The following TEX48 variants were observed in gnomAD, a reference collection of about 807,000 sequenced individuals.
The protein encoded by TEX48 is testis-expressed protein 48.
A neutral mutation model predicts 13.2 loss-of-function variants in TEX48; 10 were observed. The observed-to-expected ratio is 0.75, with a 90% CI of 0.47 to 1.28. The LOEUF is 1.28. TEX48 is among the 50% of genes most tolerant of loss of function. The pLI is 0.00. For missense variants in TEX48, 116 were observed against 139.4 expected (o/e 0.83, Z 0.84); for synonymous variants, 45 against 52.3 (o/e 0.86, Z 0.60).
chr9:114,678,876 A>G (rs1235938931), intron 1 of TEX48, among the ~76,000 whole-genome samples: 3 of 151,970 alleles, frequency 2.0e-5, no homozygotes, highest in African/African-American at 7.3e-5. Context: ...ACCTTCAACA[A>G]TGGGGAAAAT....
intron 3 of TEX48, 30 bp from the exon 4 acceptor site, chr9:114,668,367 G>T (rs1013094367): frequency 1.2e-5 from 18 of 1,531,940 alleles, no homozygotes; most frequent in African/African-American, 8.2e-5. Context: ...AGGGTCACGT[G>T]GGGGAGGCTT....
intron 1 of TEX48, among the ~76,000 whole-genome samples, chr9:114,681,186 C>T (rs1017833425): frequency 1.3e-5 from 2 of 151,998 alleles, no homozygotes; most frequent in Non-Finnish European, 2.9e-5. Context: ...AAAAATAAAC[C>T]GTGGAGATCG....
At chr9:114,674,546 TTCTC>T (rs927835627) in intron 1 of TEX48, among the ~76,000 whole-genome samples, 1 of 150,866 alleles carries the variant, frequency 6.6e-6, no homozygotes, top group Non-Finnish European at 1.5e-5. Flanking sequence ...TCTTCTTTCT[TTCTC>T]TCTTTTTCTT....
chr9:114,679,055 A>G (rs1828134697), intron 1 of TEX48, among the ~76,000 whole-genome samples: 1 of 152,000 alleles, frequency 6.6e-6, no homozygotes, highest in Non-Finnish European at 1.5e-5. Flanking sequence ...CAAGAATAAC[A>G]AACAAAATGA....
rs998699328 is a variant in TEX48 at position 114,680,314 on chromosome 9, T to C, written c.-105+1721A>G. 3.3e-5 allele frequency among the ~76,000 whole-genome samples: 5 copies of C among 152,066 alleles called. No individual in the cohort carries two copies. In the East Asian group the frequency reaches 5.8e-4, roughly 18 times the overall value. On this transcript the variant is annotated intron_variant, in intron 1 of 4. Coordinates refer to ENST00000436752, the MANE Select transcript of TEX48 (RefSeq NM_001199233.2). The stretch of plus-strand genomic sequence containing the variant: ...GGCTAATTTTAGTTTTTAGTAGAGA[T>C]GGGGTTTCCCCATGTTGGGTCAGGC...
At chr9:114,680,970 A>G (rs1179944707) in intron 1 of TEX48, among the ~76,000 whole-genome samples, 1 of 152,224 alleles carries the variant, frequency 6.6e-6, no homozygotes, top group Non-Finnish European at 1.5e-5. Context: ...CTTTGTTCAG[A>G]GACTTTGCCA....
chr9:114,670,086 A>G (rs1225759501), intron 3 of TEX48, among the ~76,000 whole-genome samples: 1 of 152,212 alleles, frequency 6.6e-6, no homozygotes, highest in Non-Finnish European at 1.5e-5. Flanking sequence ...GCAAAATGCT[A>G]TGCTCAATTT....
chr9:114,671,263 T>C, intron 3 of TEX48, 120 bp downstream of exon 3: 1 of 1,214,444 alleles, frequency 8.2e-7, no homozygotes, highest in East Asian at 2.7e-5. Context: ...CACCTCATTT[T>C]AAATTGGAAT....
At chr9:114,681,218 T>G (rs1474213527) in intron 1 of TEX48, among the ~76,000 whole-genome samples, 1 of 152,022 alleles carries the variant, frequency 6.6e-6, no homozygotes, top group Non-Finnish European at 1.5e-5. Context: ...AGCAGCGATC[T>G]GAAGCGCAGG....
At chr9:114,666,792 T>C (rs1246336432) in intron 4 of TEX48, 46 bp from the exon 5 acceptor site, 6 of 994,658 alleles carry the variant, frequency 6.0e-6, no homozygotes, top group Non-Finnish European at 9.1e-6. Context: ...GGCCTTTGAA[T>C]TGGGCTTTGA....
chr9:114,678,111 A>G (rs2133767074), intron 1 of TEX48, among the ~76,000 whole-genome samples: 1 of 152,296 alleles, frequency 6.6e-6, no homozygotes, highest in South Asian at 2.1e-4. Flanking sequence ...AGAAGACAAA[A>G]ATGCCAAACA....
chr9:114,667,531 T>TGG (rs1827863667), intron 4 of TEX48, among the ~76,000 whole-genome samples: 3 of 152,172 alleles, frequency 2.0e-5, no homozygotes, highest in Non-Finnish European at 4.4e-5. Context: ...AAAACTGATG[T>TGG]GGGCCCCTGC....
chr9:114,679,644 A>G (rs7846710), intron 1 of TEX48, among the ~76,000 whole-genome samples: 93,012 of 152,022 alleles, frequency 0.61, 28,767 homozygotes, highest in Admixed American at 0.73. Context: ...CATGATGAAT[A>G]CTTAGACCAT....
chr9:114,674,492 A>G (rs1828013344), intron 1 of TEX48, among the ~76,000 whole-genome samples: 1 of 150,930 alleles, frequency 6.6e-6, no homozygotes, highest in Admixed American at 6.6e-5. Flanking sequence ...AGCACTTCCT[A>G]ATCTCTTCCT....
At chr9:114,679,931 G>A (rs1018838005) in intron 1 of TEX48, among the ~76,000 whole-genome samples, 1 of 151,906 alleles carries the variant, frequency 6.6e-6, no homozygotes, top group Non-Finnish European at 1.5e-5. Flanking sequence ...GCTAATTAGG[G>A]GAGTCTGCAC....
At chr9:114,681,329 A>G (rs1355788974) in intron 1 of TEX48, among the ~76,000 whole-genome samples, 1 of 152,214 alleles carries the variant, frequency 6.6e-6, no homozygotes, top group Non-Finnish European at 1.5e-5. Flanking sequence ...TGTTGACAGC[A>G]GAGAGCTTTG....
At chr9:114,667,906 A>AAAG (rs1491425242) in intron 4 of TEX48, among the ~76,000 whole-genome samples, 20 of 21,982 alleles carry the variant, frequency 9.1e-4, no homozygotes, top group Admixed American at 6.1e-3. Context: ...ACTCCATCTC[A>AAAG]AAAAAAAAAA....
chr9:114,668,304 TG>T lies in TEX48; in HGVS notation c.160del (p.Gln54LysfsTer18). 6.5e-7 allele frequency: 1 copy of T among 1,535,706 alleles called. No individual in the cohort carries two copies. The highest frequency in any genetic ancestry group is 8.7e-7 in the Non-Finnish European group (1 of 1,146,896). ...LLLQKDELDRQNPKRINAVSH... is the reference protein window; with the variant it reads ...LLLQKDELDRXNPKRINAVSH... ...GACTGCGTTAATGCGCTTGGGATTTTGTCTGTCAAGCTCATCCTTCTGAAGC... is the reference window on the plus strand; with the variant it reads ...GACTGCGTTAATGCGCTTGGGATTTTTCTGTCAAGCTCATCCTTCTGAAGC... On this transcript the variant is annotated frameshift_variant, in exon 4 of 5. Coordinates refer to ENST00000436752, the MANE Select transcript of TEX48 (RefSeq NM_001199233.2). LOFTEE classifies it high-confidence loss of function.
chr9:114,671,235 A>T, intron 3 of TEX48, 148 bp downstream of exon 3: 1 of 879,936 alleles, frequency 1.1e-6, no homozygotes, highest in Non-Finnish European at 1.7e-6. Context: ...TGGTTTGAGT[A>T]CTTAGCCATC....
Sources: allele counts gnomAD v4.1 joint callset (sites outside exome capture counted in the v4.1 genomes callset), GRCh38; gene constraint gnomAD v4.1.1; transcripts MANE v1.5; gene names NCBI Gene and HGNC (gene_info 2026-07-23, HGNC 2026-07-21).